COG6: variants seen among roughly 807,000 people sequenced by gnomAD.
COG6 encodes the protein conserved oligomeric Golgi complex subunit 6.
In COG6, 74 loss-of-function variants were observed where a neutral mutation model predicts 88.8. The observed-to-expected ratio is 0.83, with a 90% confidence interval of 0.69 to 1.01. The LOEUF (loss-of-function observed/expected upper bound fraction) is 1.01, where lower values mean the gene tolerates loss of function less well. Among genes scored for constraint, COG6 ranks in the 50% least tolerant of loss-of-function variants. The pLI, the probability that COG6 is intolerant of heterozygous loss-of-function variation, is 0.00. For synonymous variants in COG6, 286 were observed against 278.7 expected (o/e 1.03, Z -0.26); for missense variants, 800 against 797.9 (o/e 1.00, Z -0.03).
chr13:39,783,837 A>G (rs1222242608), intron 18 of COG6, among the ~76,000 whole-genome samples: 5 of 152,210 alleles, frequency 3.3e-5, no homozygotes, highest in African/African-American at 1.2e-4. Context: ...ATTTTCATGT[A>G]GAAGTCCAAC....
chr13:39,688,847 T>C (rs554297506), intron 10 of COG6, among the ~76,000 whole-genome samples: 1 of 152,288 alleles, frequency 6.6e-6, no homozygotes, highest in East Asian at 1.9e-4. Context: ...TTTTAAAGTG[T>C]TCTATTTTTG....
At chr13:39,711,106 CCACCTGTAACATGTAAGAAT>C (rs1440421925) in intron 13 of COG6, among the ~76,000 whole-genome samples, 1 of 152,044 alleles carries the variant, frequency 6.6e-6, no homozygotes, top group Admixed American at 6.6e-5. Flanking sequence ...CCTTCCTCCT[CCACCTGTAACATGTAAGAAT>C]CACCGGTTTG....
At chr13:39,670,194 C>T (rs1184978361) in intron 4 of COG6, among the ~76,000 whole-genome samples, 1 of 152,078 alleles carries the variant, frequency 6.6e-6, no homozygotes, top group Non-Finnish European at 1.5e-5. Flanking sequence ...GTTAGCATTT[C>T]CCCTTAATAG....
intron 1 of COG6, among the ~76,000 whole-genome samples, 159 bp from the exon 2 acceptor site, chr13:39,659,205 G>A (rs1020005963): frequency 6.6e-6 from 1 of 152,066 alleles, no homozygotes; most frequent in Non-Finnish European, 1.5e-5. Flanking sequence ...TTGTGTTCTG[G>A]AAATAAGCAT....
At chr13:39,724,308 C>T (rs1406049445) in intron 16 of COG6, among the ~76,000 whole-genome samples, 200 bp from the exon 17 acceptor site, 1 of 151,868 alleles carries the variant, frequency 6.6e-6, no homozygotes, top group African/African-American at 2.4e-5. Context: ...TAAACTTGAG[C>T]ACGTCTTGCT....
At chr13:39,677,428 T>C in intron 4 of COG6, 40 bp from the exon 5 acceptor site, 1 of 1,148,032 alleles carries the variant, frequency 8.7e-7, no homozygotes, top group Non-Finnish European at 1.3e-6. Flanking sequence ...TGCAACTGTG[T>C]AAGATGCTTG....
intron 18 of COG6, among the ~76,000 whole-genome samples, chr13:39,731,112 C>T (rs574949821): frequency 6.6e-6 from 1 of 152,220 alleles, no homozygotes; most frequent in South Asian, 2.1e-4. Flanking sequence ...CTTGATAGCA[C>T]TCCCGGCCTA....
intron 18 of COG6, among the ~76,000 whole-genome samples, chr13:39,779,066 T>G (rs1316805860): frequency 6.6e-6 from 1 of 152,164 alleles, no homozygotes; most frequent in Non-Finnish European, 1.5e-5. Flanking sequence ...GTCAAAAAAT[T>G]TGCATGCTAC....
chr13:39,714,933 T>G (rs9566471), intron 13 of COG6, among the ~76,000 whole-genome samples: 60,219 of 151,984 alleles, frequency 0.4, 12,382 homozygotes, highest in Admixed American at 0.57. Flanking sequence ...AGGCCATTAT[T>G]CTAAGTGAAG....
intron 18 of COG6, among the ~76,000 whole-genome samples, chr13:39,764,948 A>G (rs1881123182): frequency 6.6e-6 from 1 of 152,172 alleles, no homozygotes; most frequent in African/African-American, 2.4e-5. Context: ...ACTGAGAGAT[A>G]CTTGTTAAAT....
At chr13:39,663,509 C>T (rs550135731) in intron 3 of COG6, among the ~76,000 whole-genome samples, 126 of 152,108 alleles carry the variant, frequency 8.3e-4, no homozygotes, top group Non-Finnish European at 1.6e-3. Flanking sequence ...GGAACTTTAG[C>T]ATTTAAGAAG....
intron 14 of COG6, 39 bp downstream of exon 14, chr13:39,719,406 C>A (rs774387431): frequency 6.3e-7 from 1 of 1,592,646 alleles, no homozygotes; most frequent in East Asian, 2.2e-5. Context: ...GTTTTTTGCT[C>A]TTCTATTGTA....
intron 18 of COG6, among the ~76,000 whole-genome samples, chr13:39,769,774 C>A (rs1447375183): frequency 1.3e-5 from 2 of 151,730 alleles, no homozygotes; most frequent in Non-Finnish European, 2.9e-5. Flanking sequence ...CTGGATCCCT[C>A]ATGAAAGGGT....
At chr13:39,779,744 A>G (rs1881572761) in intron 18 of COG6, among the ~76,000 whole-genome samples, 1 of 152,184 alleles carries the variant, frequency 6.6e-6, no homozygotes, top group South Asian at 2.1e-4. Context: ...GTCACCTCAG[A>G]AAGCTGTGTC....
At chr13:39,682,132 C>A in intron 7 of COG6, 39 bp from the exon 8 acceptor site, 1 of 1,400,826 alleles carries the variant, frequency 7.1e-7, no homozygotes, top group Non-Finnish European at 1.0e-6. Flanking sequence ...AACATCTAAG[C>A]TGAATTTAAC....
At chr13:39,673,841 T>C (rs1875795834) in intron 4 of COG6, among the ~76,000 whole-genome samples, 1 of 151,978 alleles carries the variant, frequency 6.6e-6, no homozygotes. Context: ...TCCCTTAATA[T>C]TTTATGTTCA....
chr13:39,670,557 G>A (rs925579768), intron 4 of COG6, among the ~76,000 whole-genome samples: 2 of 151,972 alleles, frequency 1.3e-5, no homozygotes, highest in African/African-American at 4.8e-5. Flanking sequence ...AGAAGGAAGG[G>A]GAAAATATCT....
rs1280721545 is a variant in COG6 at position 39,659,277 on chromosome 13, G to C, written c.154-87G>C. 4.0e-6 allele frequency: 5 copies of C among 1,252,244 alleles called. No homozygotes were observed. In the African/African-American group the frequency reaches 7.5e-5, roughly 19 times the overall value. 77.6% of individuals were successfully genotyped at this position (1,252,244 alleles called of 1,614,324 possible). On this transcript the variant is annotated intron_variant, in intron 1 of 18. Coordinates refer to ENST00000455146, the MANE Select transcript of COG6 (RefSeq NM_020751.3). Reference sequence around the variant, plus strand: ...ATTGGTTAATGAAAATAAATCATTTGAAAATGATTTCATTACATTTTGTCT... The same window carrying C: ...ATTGGTTAATGAAAATAAATCATTTCAAAATGATTTCATTACATTTTGTCT...
chr13:39,723,737 G>A (rs932167959), intron 16 of COG6, among the ~76,000 whole-genome samples: 1 of 152,026 alleles, frequency 6.6e-6, no homozygotes, highest in African/African-American at 2.4e-5. Flanking sequence ...TTTGTTAAAA[G>A]TAATGAAAAT....
Sources: gnomAD v4.1 joint callset for allele counts (sites outside exome capture counted in the v4.1 genomes callset) on GRCh38, gnomAD v4.1.1 for gene constraint, MANE v1.5 for transcripts, NCBI Gene and HGNC (gene_info 2026-07-23, HGNC 2026-07-21) for gene names.